Variants in NHS observed in about 807,000 individuals in gnomAD.
NHS encodes the protein NHS actin remodeling regulator, also known as actin remodeling regulator NHS.
A neutral mutation model predicts 72.5 loss-of-function variants in NHS; 5 were observed. The observed-to-expected ratio is 0.07, with a 90% CI of 0.04 to 0.14. The LOEUF is 0.14. Among genes scored for constraint, NHS ranks in the 10% least tolerant of loss-of-function variants. The probability of loss-of-function intolerance (pLI) is 1.00; values close to 1 mark genes in which losing one functional copy is unlikely to be tolerated. For synonymous variants in NHS, 464 were observed against 547.7 expected (o/e 0.85, Z 2.13); for missense variants, 1,072 against 1,355.7 (o/e 0.79, Z 3.29).
intron 3 of NHS, among the ~76,000 whole-genome samples, chrX:17,694,693 C>G (rs759755846): frequency 8.0e-5 from 9 of 112,009 alleles, no homozygotes; most frequent in African/African-American, 2.9e-4. Context: ...TAGATAGTAC[C>G]TCATAGCCTT....
intron 1 of NHS, among the ~76,000 whole-genome samples, chrX:17,598,562 CA>C (rs2065635428): frequency 1.8e-5 from 2 of 111,646 alleles, no homozygotes; most frequent in African/African-American, 6.5e-5. Context: ...CAACCCACAA[CA>C]AAGGTACTAT....
intron 1 of NHS, among the ~76,000 whole-genome samples, chrX:17,526,661 G>A (rs1250236909): frequency 8.9e-6 from 1 of 112,107 alleles, no homozygotes; most frequent in Non-Finnish European, 1.9e-5. Flanking sequence ...CTAGCAGAGA[G>A]ATCAACTAAT....
At chrX:17,440,708 C>G (rs2064748139) in intron 1 of NHS, among the ~76,000 whole-genome samples, 1 of 111,806 alleles carries the variant, frequency 8.9e-6, no homozygotes, top group African/African-American at 3.3e-5. Context: ...TTTCCTGTCT[C>G]TCTGGCCTCA....
intron 1 of NHS, among the ~76,000 whole-genome samples, chrX:17,572,491 C>CCTTTTTTTTTTTTTTTTTT (rs1556011021): frequency 4.3e-5 from 2 of 46,774 alleles, no homozygotes; most frequent in African/African-American, 2.6e-4. Context: ...GCAACCCCTG[C>CCTTTTTTTTTTTTTTTTTT]TTTTTTTTTT....
intron 1 of NHS, among the ~76,000 whole-genome samples, chrX:17,600,954 T>C (rs748658107): frequency 6.3e-5 from 7 of 111,944 alleles, no homozygotes; most frequent in Non-Finnish European, 1.1e-4. Context: ...ATCAAACCTC[T>C]AGGAACAAAT....
Position 17,502,414 on chromosome X carries a change from T to C in NHS, c.565+126092T>C, listed in dbSNP as rs941020261. On this transcript the variant is annotated intron_variant, in intron 1 of 8. Transcript: ENST00000676302. ...TTCTCCATGCTCTAGTTAACAAATG[T>C]GCATTTCAGCATTCAGGCTGAAACT... Among the ~76,000 whole-genome samples, 9 of 111,750 alleles carry C rather than the reference T, an allele frequency of 8.1e-5. No homozygotes were observed. The East Asian group carries it at 2.3e-3, about 28-fold the overall frequency.
At chrX:17,493,535 G>A (rs1234491714) in intron 1 of NHS, among the ~76,000 whole-genome samples, 1 of 112,138 alleles carries the variant, frequency 8.9e-6, no homozygotes, top group African/African-American at 3.2e-5. Context: ...CCAGCACAGT[G>A]CCTGGCATAT....
At chrX:17,445,990 C>T (rs2064777831) in intron 1 of NHS, among the ~76,000 whole-genome samples, 6 of 110,741 alleles carry the variant, frequency 5.4e-5, no homozygotes. Flanking sequence ...ATCTGTTTTT[C>T]CTCTTCTCAT....
chrX:17,500,510 C>G, intron 1 of NHS, among the ~76,000 whole-genome samples: 1 of 111,451 alleles, frequency 9.0e-6, no homozygotes, highest in Non-Finnish European at 1.9e-5. Context: ...GGCTGTGATC[C>G]CATTGTTGCT....
At chrX:17,586,428 A>G (rs1433395288) in intron 1 of NHS, 1 of 112,515 alleles carries the variant, frequency 8.9e-6, no homozygotes, top group African/African-American at 3.2e-5. Context: ...GCATACAATT[A>G]TAGTCACCAC....
At chrX:17,728,924 C>A in intron 8 of NHS, 149 bp downstream of exon 8, 1 of 785,927 alleles carries the variant, frequency 1.3e-6, no homozygotes, top group Non-Finnish European at 1.9e-6. Context: ...ATAATTTTTC[C>A]AAATCAAGTT....
intron 1 of NHS, among the ~76,000 whole-genome samples, chrX:17,380,499 T>G (rs184887366): frequency 9.1e-6 from 1 of 109,951 alleles, no homozygotes; most frequent in Non-Finnish European, 1.9e-5. Context: ...ACTACAGGTG[T>G]GCACCACTAC....
intron 1 of NHS, among the ~76,000 whole-genome samples, chrX:17,504,329 TAA>T (rs1340540770): frequency 2.7e-5 from 3 of 112,109 alleles, no homozygotes; most frequent in Non-Finnish European, 5.6e-5. Flanking sequence ...GAGTCTTCTG[TAA>T]AAAGATACAT....
chrX:17,428,481 A>G (rs1036864350), intron 1 of NHS, among the ~76,000 whole-genome samples: 2 of 111,708 alleles, frequency 1.8e-5, no homozygotes, highest in African/African-American at 3.3e-5. Context: ...GGGGCTGGGG[A>G]GATTTTTACT....
At chrX:17,502,585 C>G (rs1190635269) in intron 1 of NHS, among the ~76,000 whole-genome samples, 1 of 18,567 alleles carries the variant, frequency 5.4e-5, no homozygotes, top group Non-Finnish European at 1.5e-4. Flanking sequence ...GTCAGGAGAT[C>G]GAGACCATCC....
At position 17,458,736 on chromosome X, in the gene NHS, G is replaced by C. The variant is rs181873985; in HGVS notation, c.565+82414G>C. Reference sequence around the variant, plus strand: ...TCGAACTCCTGACCTCAGGTGATCTGCCTGCCCTGGCCTCCAAAAGTACTG... The same window carrying C: ...TCGAACTCCTGACCTCAGGTGATCTCCCTGCCCTGGCCTCCAAAAGTACTG... On this transcript the variant is annotated intron_variant, in intron 1 of 8. Coordinates refer to ENST00000676302, the MANE Select transcript of NHS (RefSeq NM_001291867.2). Among the ~76,000 whole-genome samples, 113 of 112,009 alleles carry C rather than the reference G, an allele frequency of 1.0e-3. No homozygotes were observed. The East Asian group carries it at 0.027, about 26-fold the overall frequency.
intron 1 of NHS, among the ~76,000 whole-genome samples, chrX:17,623,705 C>T (rs1157420934): frequency 8.9e-6 from 1 of 112,062 alleles, no homozygotes; most frequent in Admixed American, 9.4e-5. Flanking sequence ...GGAAAAATAT[C>T]CCCAGGGGCC....
chrX:17,666,342 A>G (rs1031740549), intron 1 of NHS, among the ~76,000 whole-genome samples: 5 of 112,745 alleles, frequency 4.4e-5, no homozygotes, highest in Non-Finnish European at 9.4e-5. Flanking sequence ...ATGGTGCAGT[A>G]TGCAGTGGTA....
Position 17,735,054 on chromosome X carries a change from C to A in NHS, c.*2590C>A, listed in dbSNP as rs1190404464. The A allele has an allele frequency of 2.7e-5, 3 of 112,178 alleles. No homozygotes were observed. Among genetic ancestry groups the A allele is most frequent in the Non-Finnish European group, 5.6e-5 (3 of 53,139 alleles). 9.2% of individuals were successfully genotyped at this position (112,178 alleles called of 1,213,427 possible). ...ACTTGAATTGTGAGGCAATAAGATA[C>A]CTTCTATATGTAATGATCACAGAAC... On this transcript the variant is annotated 3_prime_UTR_variant, in exon 9 of 9. Transcript: ENST00000676302.
Sources: gnomAD v4.1 joint callset for allele counts (sites outside exome capture counted in the v4.1 genomes callset) on GRCh38, gnomAD v4.1.1 for gene constraint, MANE v1.5 for transcripts, NCBI Gene and HGNC (gene_info 2026-07-23, HGNC 2026-07-21) for gene names.